ZNF644: variants seen among roughly 807,000 people sequenced by gnomAD.
The protein encoded by ZNF644 is zinc finger motif enhancer binding protein 2.
A neutral mutation model predicts 108.0 loss-of-function variants in ZNF644; 20 were observed. That is an observed-to-expected ratio of 0.19 (90% CI 0.13 to 0.27). The LOEUF is 0.27. Among genes scored for constraint, ZNF644 ranks in the 10% least tolerant of loss-of-function variants. The probability of loss-of-function intolerance (pLI) is 1.00; values close to 1 mark genes in which losing one functional copy is unlikely to be tolerated. For synonymous variants in ZNF644, 542 were observed against 539.1 expected (o/e 1.01, Z -0.08); for missense variants, 1,338 against 1,548.9 (o/e 0.86, Z 2.29).
chr1:90,937,911 T>C lies in ZNF644; in HGVS notation c.3262A>G (p.Lys1088Glu). ...VLNEMMQNEE[K>E]YEKILKALNS... ...AATGCCTTTAAGATTTTTTCATATT[T>C]TTCTTCATTTTGCATCATCTCATTC... The change falls in exon 4 of 6, where the codon AAA (lysine) becomes GAA (glutamate). Residue 1088 changes from lysine to glutamate, a missense_variant. Lys to Glu is a moderately conservative substitution (Grantham distance 56). This residue lies in a region of ZNF644 where 287 missense variants were observed against 310.9 expected (regional missense o/e 0.92). Transcript: ENST00000337393. 6.2e-7 allele frequency: 1 copy of C among 1,613,804 alleles called. No individual in the cohort carries two copies. The highest frequency in any genetic ancestry group is 8.5e-7 in the Non-Finnish European group (1 of 1,179,888).
intron 1 of ZNF644, among the ~76,000 whole-genome samples, chr1:91,020,136 T>C (rs1660769020): frequency 6.6e-6 from 1 of 152,172 alleles, no homozygotes; most frequent in South Asian, 2.1e-4. Context: ...GCTTCCACTG[T>C]AAAACTTTAT....
At chr1:91,011,439 C>A (rs763838097) in intron 1 of ZNF644, among the ~76,000 whole-genome samples, 5 of 152,094 alleles carry the variant, frequency 3.3e-5, no homozygotes, top group African/African-American at 1.2e-4. Context: ...TTATTATATA[C>A]GTTTAACAAC....
intron 1 of ZNF644, among the ~76,000 whole-genome samples, chr1:91,015,974 A>G (rs891099601): frequency 1.3e-5 from 2 of 152,228 alleles, no homozygotes; most frequent in African/African-American, 4.8e-5. Context: ...GAAGATGGTA[A>G]TTACTAATTC....
At chr1:90,959,014 T>C (rs1290149589) in intron 2 of ZNF644, among the ~76,000 whole-genome samples, 2 of 152,150 alleles carry the variant, frequency 1.3e-5, no homozygotes, top group East Asian at 1.9e-4. Flanking sequence ...ACAGGTATTA[T>C]TGAATATATT....
At chr1:90,977,811 C>T (rs1301143297) in intron 2 of ZNF644, among the ~76,000 whole-genome samples, 1 of 152,056 alleles carries the variant, frequency 6.6e-6, no homozygotes, top group Non-Finnish European at 1.5e-5. Context: ...GGCAAAAAAT[C>T]CTGAGACTTA....
intron 1 of ZNF644, among the ~76,000 whole-genome samples, chr1:91,002,908 C>T (rs1659014091): frequency 6.6e-6 from 1 of 152,084 alleles, no homozygotes; most frequent in Non-Finnish European, 1.5e-5. Context: ...GACATTTATG[C>T]AGCCAAAAGA....
chr1:91,007,220 A>ATTTT lies in ZNF644; in HGVS notation c.-18+14766_-18+14769dup, dbSNP rs1557658483. On this transcript the variant is annotated intron_variant, in intron 1 of 5. Transcript: ENST00000337393. ...TTCTTAATTTCTTCCATTTTCTCCC[A>ATTTT]TTTTGTTTTTTTTTTTTTTTTTTTT... Among the ~76,000 whole-genome samples the ATTTT allele has an allele frequency of 6.9e-3, 210 of 30,298 alleles. 21 individuals carry two copies. Among genetic ancestry groups the ATTTT allele is most frequent in the Non-Finnish European group, 0.011 (175 of 15,262 alleles). The allele number at this position is 30,298 out of a possible 152,430, so 19.9% of individuals were successfully genotyped here.
intron 1 of ZNF644, among the ~76,000 whole-genome samples, chr1:91,010,752 T>C (rs1414730689): frequency 6.6e-6 from 1 of 152,172 alleles, no homozygotes; most frequent in Non-Finnish European, 1.5e-5. Context: ...AGAAGCCATA[T>C]CTGTGCTCTA....
chr1:90,991,435 T>C (rs1255736896), intron 1 of ZNF644, among the ~76,000 whole-genome samples: 1 of 152,208 alleles, frequency 6.6e-6, no homozygotes, highest in Non-Finnish European at 1.5e-5. Flanking sequence ...TCCTAGGTAT[T>C]TGTCCAAACA....
intron 1 of ZNF644, among the ~76,000 whole-genome samples, chr1:90,998,060 G>C (rs553268665): frequency 1.3e-5 from 2 of 152,162 alleles, no homozygotes; most frequent in African/African-American, 2.4e-5. Context: ...AGCTCGAACT[G>C]GGGGGAGCCC....
At position 90,935,866 on chromosome 1, in the gene ZNF644, C is replaced by T. The variant is rs190171175; in HGVS notation, c.3688+1619G>A. Among the ~76,000 whole-genome samples, 156 of 152,224 alleles carry T rather than the reference C, an allele frequency of 1.0e-3. 1 individual carries two copies. The highest frequency in any genetic ancestry group is 1.7e-3 in the Admixed American group (26 of 15,276). On this transcript the variant is annotated intron_variant, in intron 4 of 5. Coordinates refer to ENST00000337393, the MANE Select transcript of ZNF644 (RefSeq NM_201269.3). ...ATACAATCCTGTGATTTGAACAACA[C>T]GGTTCTGTTGAGAAGTTTCAAAGCT...
intron 4 of ZNF644, among the ~76,000 whole-genome samples, chr1:90,936,550 A>C (rs757569439): frequency 2.0e-5 from 3 of 152,196 alleles, no homozygotes; most frequent in Non-Finnish European, 4.4e-5. Flanking sequence ...CAAAGCAAAT[A>C]AACAACATTA....
chr1:91,001,374 G>T (rs1329302212), intron 1 of ZNF644, among the ~76,000 whole-genome samples: 2 of 152,144 alleles, frequency 1.3e-5, no homozygotes, highest in Non-Finnish European at 2.9e-5. Flanking sequence ...TGCAAGGCTG[G>T]TTCAACGTAC....
intron 4 of ZNF644, among the ~76,000 whole-genome samples, chr1:90,931,011 C>T (rs1650671447): frequency 6.6e-6 from 1 of 151,978 alleles, no homozygotes; most frequent in Non-Finnish European, 1.5e-5. Flanking sequence ...AATGCTTTAG[C>T]AATTTTAATA....
chr1:90,971,309 A>C (rs1371093504), intron 2 of ZNF644, among the ~76,000 whole-genome samples: 1 of 152,048 alleles, frequency 6.6e-6, no homozygotes, highest in African/African-American at 2.4e-5. Context: ...TTGATGCAAA[A>C]AAAAAAAAAG....
Position 91,007,225 on chromosome 1 carries a change from G to GTTTTTTT in ZNF644, c.-18+14758_-18+14764dup, listed in dbSNP as rs35761791. ...AATTTCTTCCATTTTCTCCCATTTT[G>GTTTTTTT]TTTTTTTTTTTTTTTTTTTTTTTTT... On this transcript the variant is annotated intron_variant, in intron 1 of 5. Coordinates refer to ENST00000337393, the MANE Select transcript of ZNF644 (RefSeq NM_201269.3). 2.3e-4 allele frequency among the ~76,000 whole-genome samples: 13 copies of GTTTTTTT among 55,998 alleles called. 1 individual carries two copies. Among genetic ancestry groups the GTTTTTTT allele is most frequent in the East Asian group, 5.8e-4 (1 of 1,726 alleles). 36.7% of individuals were successfully genotyped at this position (55,998 alleles called of 152,430 possible).
chr1:90,961,566 G>T (rs1216025182), intron 2 of ZNF644, among the ~76,000 whole-genome samples: 1 of 152,080 alleles, frequency 6.6e-6, no homozygotes, highest in Admixed American at 6.6e-5. Context: ...CTGAACTGAA[G>T]CAAGTATAAG....
intron 1 of ZNF644, among the ~76,000 whole-genome samples, chr1:90,982,687 A>G (rs1239153192): frequency 6.6e-6 from 1 of 152,122 alleles, no homozygotes; most frequent in Admixed American, 6.5e-5. Context: ...CAATAATTAA[A>G]ATAATTACTA....
At chr1:90,968,060 C>CA (rs763728133) in intron 2 of ZNF644, among the ~76,000 whole-genome samples, 34,777 of 67,206 alleles carry the variant, frequency 0.52, 9,922 homozygotes, top group Non-Finnish European at 0.6. Context: ...GACTCCGTCT[C>CA]AAAAAAAAAA....
Sources: gnomAD v4.1 joint callset for allele counts (sites outside exome capture counted in the v4.1 genomes callset) on GRCh38, gnomAD v4.1.1 for gene constraint, gnomAD v4.1.1 regional missense constraint, MANE v1.5 for transcripts, NCBI Gene and HGNC (gene_info 2026-07-23, HGNC 2026-07-21) for gene names.